SLC25A33: variants seen among roughly 807,000 people sequenced by gnomAD.
SLC25A33 encodes the protein bone marrow stromal cell mitochondrial carrier protein.
SLC25A33 carries 15 observed loss-of-function variants against 35.5 expected under a neutral mutation model. The observed-to-expected ratio is 0.42, with a 90% CI of 0.28 to 0.65. The LOEUF is 0.65. Among genes scored for constraint, SLC25A33 ranks in the 30% least tolerant of loss-of-function variants. The pLI is 0.20. For missense variants in SLC25A33, 257 were observed against 398.5 expected (o/e 0.64, Z 3.02); for synonymous variants, 136 against 148.7 (o/e 0.91, Z 0.62).
chr1:9,540,247 C>T (rs2100361830), intron 1 of SLC25A33, among the ~76,000 whole-genome samples: 1 of 152,260 alleles, frequency 6.6e-6, no homozygotes, highest in East Asian at 1.9e-4. Flanking sequence ...GTCAGCAAGG[C>T]CTGGGTGGTG....
rs117698671 is a variant in SLC25A33, at chr1:9,549,660, G to A, written c.57-3966G>A. On this transcript the variant is annotated intron_variant, in intron 1 of 6. Transcript: ENST00000302692. ...TTTTGATACAGAGTCTTGCTCTGTC[G>A]CTCAGGCTGGAGTGCAGTTATGCGA... Among the ~76,000 whole-genome samples the A allele has an allele frequency of 5.7e-3, 828 of 144,806 alleles. 19 individuals carry two copies. Among genetic ancestry groups the A allele is most frequent in the South Asian group, 0.052 (239 of 4,598 alleles). The allele number at this position is 144,806 out of a possible 152,430, so 95.0% of individuals were successfully genotyped here.
At chr1:9,553,592 T>G in intron 1 of SLC25A33, 34 bp from the exon 2 acceptor site, 1 of 1,609,926 alleles carries the variant, frequency 6.2e-7, no homozygotes, top group South Asian at 1.1e-5. Context: ...GGGAATAGTA[T>G]AGCTTCTCTG....
At chr1:9,574,405 A>T (rs753860571) in intron 5 of SLC25A33, among the ~76,000 whole-genome samples, 3 of 152,194 alleles carry the variant, frequency 2.0e-5, no homozygotes, top group Non-Finnish European at 4.4e-5. Flanking sequence ...TAAGGTTTTT[A>T]AAAATACACT....
rs1041549190 is a variant in SLC25A33, at chr1:9,584,173, A to G, written c.*1672A>G. 9.2e-5 allele frequency: 14 copies of G among 152,306 alleles called. No homozygotes were observed. Among genetic ancestry groups the G allele is most frequent in the Admixed American group, 9.2e-4 (14 of 15,296 alleles). The allele number at this position is 152,306 out of a possible 1,614,324, so 9.4% of individuals were successfully genotyped here. On this transcript the variant is annotated 3_prime_UTR_variant, in exon 7 of 7. Coordinates refer to ENST00000302692, the MANE Select transcript of SLC25A33 (RefSeq NM_032315.3). ...GTTTTCAATTTGAACGTCTAGAAAG[A>G]TACTCATTTCTAATACCTATGCACT...
At chr1:9,544,904 C>CA (rs1341232436) in intron 1 of SLC25A33, among the ~76,000 whole-genome samples, 1 of 152,126 alleles carries the variant, frequency 6.6e-6, no homozygotes, top group African/African-American at 2.4e-5. Context: ...AGTTTAAACT[C>CA]AGAGTTAAAA....
chr1:9,551,774 A>G (rs113467992), intron 1 of SLC25A33, among the ~76,000 whole-genome samples: 20 of 152,302 alleles, frequency 1.3e-4, no homozygotes, highest in African/African-American at 4.3e-4. Flanking sequence ...TGCTTAGTAA[A>G]CACTGTTTAG....
intron 2 of SLC25A33, among the ~76,000 whole-genome samples, chr1:9,556,577 G>A (rs1290898347): frequency 2.0e-5 from 3 of 152,082 alleles, no homozygotes; most frequent in African/African-American, 4.8e-5. Context: ...GCATCATGTT[G>A]TCACTCAAAA....
chr1:9,551,474 A>G (rs975823484), intron 1 of SLC25A33, among the ~76,000 whole-genome samples: 17 of 152,244 alleles, frequency 1.1e-4, no homozygotes, highest in African/African-American at 3.6e-4. Context: ...GTTTGCTTCT[A>G]GATTTCCAAC....
chr1:9,583,636 A>G lies in SLC25A33; in HGVS notation c.*1135A>G, dbSNP rs1329962547. The G allele has an allele frequency of 1.3e-5, 2 of 152,120 alleles. No homozygotes were observed. Among genetic ancestry groups the G allele is most frequent in the African/African-American group, 4.8e-5 (2 of 41,404 alleles). The allele number at this position is 152,120 out of a possible 1,614,324, so 9.4% of individuals were successfully genotyped here. A position where few individuals can be genotyped will look rare whatever the true frequency, so the allele number is the denominator to read the frequency against. On this transcript the variant is annotated 3_prime_UTR_variant, in exon 7 of 7. Coordinates refer to ENST00000302692, the MANE Select transcript of SLC25A33 (RefSeq NM_032315.3). ...CTCTGCTCTTGCAGAAAAGGAGCAC[A>G]ACGTAGGACTATGGCTCACCCGTCA...
intron 1 of SLC25A33, among the ~76,000 whole-genome samples, chr1:9,552,381 C>T (rs1643278317): frequency 6.6e-6 from 1 of 152,056 alleles, no homozygotes; most frequent in Admixed American, 6.6e-5. Context: ...TGTGCCACTA[C>T]ACCTGGCTAA....
intron 1 of SLC25A33, among the ~76,000 whole-genome samples, chr1:9,548,626 G>A (rs1206244902): frequency 2.2e-4 from 34 of 152,106 alleles, no homozygotes; most frequent in Admixed American, 2.2e-3. Context: ...AATGGTGGAG[G>A]TTATAAATAG....
At chr1:9,555,209 C>T (rs1167780733) in intron 2 of SLC25A33, among the ~76,000 whole-genome samples, 3 of 149,176 alleles carry the variant, frequency 2.0e-5, no homozygotes, top group Non-Finnish European at 4.4e-5. Context: ...GCTCCGCCTC[C>T]TGGGTTCACG....
chr1:9,583,594 T>C lies in SLC25A33; in HGVS notation c.*1093T>C, dbSNP rs1233315578. On this transcript the variant is annotated 3_prime_UTR_variant, in exon 7 of 7. Transcript: ENST00000302692. ...GAACAGTCATTCCCACTGAGGTCTT[T>C]AGCCCTGTTCTTGGACCTCTGCTCT... 2 of 152,184 alleles carry C rather than the reference T, an allele frequency of 1.3e-5. No individual in the cohort carries two copies. Among genetic ancestry groups the C allele is most frequent in the African/African-American group, 4.8e-5 (2 of 41,426 alleles). 9.4% of individuals were successfully genotyped at this position (152,184 alleles called of 1,614,324 possible). A position where few individuals can be genotyped will look rare whatever the true frequency, so the allele number is the denominator to read the frequency against.
At chr1:9,564,735 AAAAAATATATAT>A (rs1361087313) in intron 2 of SLC25A33, among the ~76,000 whole-genome samples, 10 of 69,496 alleles carry the variant, frequency 1.4e-4, no homozygotes, top group South Asian at 8.3e-4. Context: ...TAAAAAAAAA[AAAAAATATATAT>A]ATATATATAT....
chr1:9,549,910 G>T (rs944802789), intron 1 of SLC25A33, among the ~76,000 whole-genome samples: 1 of 140,152 alleles, frequency 7.1e-6, no homozygotes, highest in Admixed American at 7.5e-5. Context: ...GGTGTGAGCC[G>T]CCACGCCCAA....
At chr1:9,570,394 TC>T in intron 4 of SLC25A33, 36 bp downstream of exon 4, 2 of 1,542,272 alleles carry the variant, frequency 1.3e-6, no homozygotes, top group Non-Finnish European at 1.8e-6. Flanking sequence ...AGGGTCTCTC[TC>T]TCACTTTTCT....
intron 5 of SLC25A33, among the ~76,000 whole-genome samples, chr1:9,575,522 G>A (rs1569875731): frequency 1.3e-5 from 2 of 152,234 alleles, no homozygotes; most frequent in South Asian, 4.1e-4. Context: ...GAGTGAGGCA[G>A]GAGAATCACT....
rs148118322 is a variant in SLC25A33 at position 9,582,857 on chromosome 1, A to G, written c.*356A>G. 2.9e-3 allele frequency: 578 copies of G among 200,572 alleles called. 6 individuals carry two copies. The highest frequency in any genetic ancestry group is 0.013 in the Middle Eastern group (6 of 480). 12.4% of individuals were successfully genotyped at this position (200,572 alleles called of 1,614,324 possible). A position where few individuals can be genotyped will look rare whatever the true frequency, so the allele number is the denominator to read the frequency against. Reference sequence around the variant, plus strand: ...ATAAACCTGCCCTAGAACTGCAGAGAAAAATGATAAAGTGAGAATACAACT... The same window carrying G: ...ATAAACCTGCCCTAGAACTGCAGAGGAAAATGATAAAGTGAGAATACAACT... On this transcript the variant is annotated 3_prime_UTR_variant, in exon 7 of 7. Transcript: ENST00000302692. The surrounding 1 kb of genome is among the most constrained non-coding windows in gnomAD (Gnocchi z 4.0).
At chr1:9,577,348 G>T (rs375933352) in intron 5 of SLC25A33, among the ~76,000 whole-genome samples, 4 of 152,062 alleles carry the variant, frequency 2.6e-5, no homozygotes, top group Non-Finnish European at 5.9e-5. Flanking sequence ...GGAGAATGGC[G>T]TGAACCCGGG....
Sources: allele counts gnomAD v4.1 joint callset (sites outside exome capture counted in the v4.1 genomes callset), GRCh38; gene constraint gnomAD v4.1.1; non-coding constraint Gnocchi (gnomAD v3.1); transcripts MANE v1.5; gene names NCBI Gene and HGNC (gene_info 2026-07-23, HGNC 2026-07-21).